Variants in ERCC3 observed in about 807,000 individuals in gnomAD.
ERCC3 encodes the protein ERCC excision repair 3, TFIIH core complex helicase subunit.
In ERCC3, 66 loss-of-function variants were observed where a neutral mutation model predicts 94.2. The ratio of observed to expected loss-of-function variants is 0.70; its 90% CI spans 0.57 to 0.86. The LOEUF (loss-of-function observed/expected upper bound fraction) is 0.86, where lower values mean the gene tolerates loss of function less well. ERCC3 is among the 40% of genes least tolerant of loss of function. ERCC3 has a pLI of 0.00. For missense variants in ERCC3, 829 were observed against 987.1 expected, an observed-to-expected ratio of 0.84 and a Z score of 2.15; for synonymous variants, 349 against 369.1, an observed-to-expected ratio of 0.95 and a Z score of 0.63.
At chr2:127,292,555 G>A in intron 3 of ERCC3, 55 bp downstream of exon 3, 2 of 1,114,034 alleles carry the variant, frequency 1.8e-6, no homozygotes, top group Non-Finnish European at 2.8e-6. Context: ...GAGCACCTAT[G>A]CCTATTGTTA....
Position 127,259,459 on chromosome 2 carries a change from C to CA in ERCC3, c.2065-12dup. The CA allele has an allele frequency of 2.5e-6, 4 of 1,614,092 alleles. No individual in the cohort carries two copies. The highest frequency in any genetic ancestry group is 3.4e-6 in the Non-Finnish European group (4 of 1,180,016). On this transcript the variant is annotated splice_polypyrimidine_tract_variant and intron_variant, in intron 13 of 14. Transcript: ENST00000285398. This position sits in a 1 kb window ranked among gnomAD's most constrained non-coding sequence, Gnocchi z 4.9. ...GAGTTTCGTGATCACCTGCAAAGCC[C>CA]AAGCCAGCAGACATGCCCCTTTCTG...
At chr2:127,276,027 C>T (rs919059332) in intron 10 of ERCC3, among the ~76,000 whole-genome samples, 3 of 152,078 alleles carry the variant, frequency 2.0e-5, no homozygotes, top group East Asian at 1.9e-4. Flanking sequence ...TGGGTCCGGC[C>T]GGCAGCAGGC....
At chr2:127,289,230 AG>A in intron 6 of ERCC3, 106 bp downstream of exon 6, 1 of 985,596 alleles carries the variant, frequency 1.0e-6, no homozygotes, top group South Asian at 1.3e-5. Flanking sequence ...AGGGACCAAC[AG>A]GGACTCCTTC....
In ERCC3 at chr2:127,287,229, C is replaced by T. The variant is rs72845951; in HGVS notation, c.1028-212G>A. On this transcript the variant is annotated intron_variant, in intron 7 of 14. Coordinates refer to ENST00000285398, the MANE Select transcript of ERCC3 (RefSeq NM_000122.2). ...ACATACATATGTGAGAAATGGCAGG[C>T]GCTGGGGCCTACTGTAGCACTTTAC... 6.3e-3 allele frequency among the ~76,000 whole-genome samples: 952 copies of T among 152,260 alleles called. 5 individuals carry two copies. Among genetic ancestry groups the T allele is most frequent in the Non-Finnish European group, 0.01 (688 of 68,032 alleles).
intron 12 of ERCC3, among the ~76,000 whole-genome samples, chr2:127,270,111 C>A (rs1019133623): frequency 6.6e-6 from 1 of 152,116 alleles, no homozygotes; most frequent in African/African-American, 2.4e-5. Context: ...GCTAGCAGAT[C>A]ATAGTCCTGT....
chr2:127,290,319 A>C, intron 3 of ERCC3, 46 bp from the exon 4 acceptor site: 1 of 1,449,738 alleles, frequency 6.9e-7, no homozygotes, highest in Non-Finnish European at 9.7e-7. Context: ...CAGCTAACTC[A>C]GAACACATTC....
rs764070182 is a variant in ERCC3, at chr2:127,280,659, T to C, written c.1343-28A>G. 2 of 1,589,578 alleles carry C rather than the reference T, an allele frequency of 1.3e-6. No individual in the cohort carries two copies. The highest frequency in any genetic ancestry group is 3.3e-5 in the Admixed American group (2 of 59,964). The stretch of plus-strand genomic sequence containing the variant: ...GAGGAAACAATGGGAGCATTCACAC[T>C]GTCACTTTTCTTTCTTATTTTTTAT... On this transcript the variant is annotated intron_variant, in intron 8 of 14. Transcript: ENST00000285398. The surrounding 1 kb of genome is among the most constrained non-coding windows in gnomAD (Gnocchi z 6.3).
At chr2:127,273,490 C>G (rs1368600471) in intron 10 of ERCC3, among the ~76,000 whole-genome samples, 1 of 151,512 alleles carries the variant, frequency 6.6e-6, no homozygotes, top group Non-Finnish European at 1.5e-5. Context: ...TGGTTCACGC[C>G]TGTAATCCCA....
chr2:127,280,717 G>A lies in ERCC3; in HGVS notation c.1343-86C>T, dbSNP rs4150455. ...TTTTAAAATATTTTTTGTAGAGATG[G>A]GGTCTCATTATATTGCCCAGGCTGG... is the stretch of plus-strand genomic sequence containing the variant. On this transcript the variant is annotated intron_variant, in intron 8 of 14. Coordinates refer to ENST00000285398, the MANE Select transcript of ERCC3 (RefSeq NM_000122.2). This position sits in a 1 kb window ranked among gnomAD's most constrained non-coding sequence, Gnocchi z 6.3. 2.4e-6 allele frequency: 3 copies of A among 1,259,954 alleles called. No individual in the cohort carries two copies. The Admixed American group carries it at 6.1e-5, about 26-fold the overall frequency. 78.0% of individuals were successfully genotyped at this position (1,259,954 alleles called of 1,614,324 possible). A position where few individuals can be genotyped will look rare whatever the true frequency, so the allele number is the denominator to read the frequency against.
rs764755476 is a variant in ERCC3 at position 127,292,697 on chromosome 2, G to A, written c.384C>T (p.Ser128=). ...TGATGTCACTGGTTTGCAGCCCAAC[G>A]CTGACAGCTGCATACAAGGAGTAGG... ...LTAYSLYAAV[S]VGLQTSDITE... The change falls in exon 3 of 15, where the codon AGC becomes AGT. Residue 128 remains serine, a synonymous_variant. Transcript: ENST00000285398. The A allele has an allele frequency of 6.5e-5, 105 of 1,614,004 alleles. No homozygotes were observed. The highest frequency in any genetic ancestry group is 2.4e-4 in the East Asian group (11 of 44,898).
chr2:127,259,635 C>A lies in ERCC3; in HGVS notation c.2065-187G>T. ...ATCAGGAGCCGCCTTTAACAGGGAG[C>A]TTGACTAATGATCTCAAGACCAGAG... is the stretch of plus-strand genomic sequence containing the variant. On this transcript the variant is annotated intron_variant, in intron 13 of 14. Transcript: ENST00000285398. The surrounding 1 kb of genome is among the most constrained non-coding windows in gnomAD (Gnocchi z 4.9). 1 of 690,796 alleles carries A rather than the reference C, an allele frequency of 1.4e-6. No homozygotes were observed. The highest frequency in any genetic ancestry group is 2.6e-6 in the Non-Finnish European group (1 of 391,392). The allele number at this position is 690,796 out of a possible 1,614,324, so 42.8% of individuals were successfully genotyped here.
At position 127,292,742 on chromosome 2, in the gene ERCC3, C is replaced by CA; in HGVS notation, c.338dup (p.His114AlafsTer2). On this transcript the variant is annotated frameshift_variant, in exon 3 of 15. Transcript: ENST00000285398. LOFTEE classifies it high-confidence loss of function. ...AGTAGGCAGTTAGTTTGTACTCATG[C>CA]ACATGGGTTGGTCGGCACACTGGCT... 6.2e-7 allele frequency: 1 copy of CA among 1,613,942 alleles called. No individual in the cohort carries two copies. The highest frequency in any genetic ancestry group is 8.5e-7 in the Non-Finnish European group (1 of 1,179,906).
intron 13 of ERCC3, chr2:127,260,104 GAAGT>G (rs1403009458): frequency 1.9e-5 from 3 of 159,036 alleles, no homozygotes; most frequent in Non-Finnish European, 4.2e-5. Flanking sequence ...AAAATTCCTA[GAAGT>G]AAGGATCTGA....
Position 127,290,755 on chromosome 2 carries a change from G to T in ERCC3, c.472-482C>A, listed in dbSNP as rs1017808715. On this transcript the variant is annotated intron_variant, in intron 3 of 14. Coordinates refer to ENST00000285398, the MANE Select transcript of ERCC3 (RefSeq NM_000122.2). ...CAGGTTCCCAACCACCTTTAGGAAG[G>T]AATACAGTAGAGGCTGTGTGGCAAC... The T allele has an allele frequency of 5.8e-5, 14 of 239,636 alleles. No homozygotes were observed. The Admixed American group carries it at 6.7e-4, about 12-fold the overall frequency. The allele number at this position is 239,636 out of a possible 1,614,324, so 14.8% of individuals were successfully genotyped here.
At chr2:127,289,886 G>A (rs541413971) in intron 4 of ERCC3, 62 bp from the exon 5 acceptor site, 1 of 1,565,784 alleles carries the variant, frequency 6.4e-7, no homozygotes, top group Non-Finnish European at 8.8e-7. Context: ...AGATTCCACT[G>A]CTCATTCAAT....
chr2:127,289,391 G>C lies in ERCC3; in HGVS notation c.768C>G (p.Asp256Glu), dbSNP rs1038911769. The stretch of plus-strand genomic sequence containing the variant: ...TCTCTTCTTCTTCTTCTTCATCCTT[G>C]TCCATTTGCTCATAGAAGTCAAACA... ...MDLFDFYEQM[D>E]KDEEEEEETQ... The change falls in exon 6 of 15, where the codon GAC becomes GAG. Residue 256 changes from aspartate to glutamate, a missense_variant. Coordinates refer to ENST00000285398, the MANE Select transcript of ERCC3 (RefSeq NM_000122.2). 2 of 1,613,508 alleles carry C rather than the reference G, an allele frequency of 1.2e-6. No individual in the cohort carries two copies.
chr2:127,271,573 A>G lies in ERCC3; in HGVS notation c.1828-120T>C. Reference sequence around the variant, plus strand: ...ATAATCACTCTTTTCTCCTCTTTATACCAGGGTCTATCTGATGCAGGCAGA... The same window carrying G: ...ATAATCACTCTTTTCTCCTCTTTATGCCAGGGTCTATCTGATGCAGGCAGA... On this transcript the variant is annotated intron_variant, in intron 11 of 14. Coordinates refer to ENST00000285398, the MANE Select transcript of ERCC3 (RefSeq NM_000122.2). The surrounding 1 kb of genome is among the most constrained non-coding windows in gnomAD (Gnocchi z 5.0). The G allele has an allele frequency of 1.3e-6, 1 of 777,970 alleles. No homozygotes were observed. Among genetic ancestry groups the G allele is most frequent in the Non-Finnish European group, 2.2e-6 (1 of 445,470 alleles). The allele number at this position is 777,970 out of a possible 1,614,324, so 48.2% of individuals were successfully genotyped here.
chr2:127,287,590 C>T (rs949112345), intron 7 of ERCC3, among the ~76,000 whole-genome samples: 1 of 151,996 alleles, frequency 6.6e-6, no homozygotes, highest in Non-Finnish European at 1.5e-5. Context: ...GCCAAGATGG[C>T]GCCACTACAC....
At chr2:127,268,805 A>G (rs556519387) in intron 12 of ERCC3, among the ~76,000 whole-genome samples, 1 of 152,346 alleles carries the variant, frequency 6.6e-6, no homozygotes, top group African/African-American at 2.4e-5. Context: ...ACCTTAGCAT[A>G]TGATTTTTAT....
Sources: gnomAD v4.1 joint callset for allele counts (sites outside exome capture counted in the v4.1 genomes callset) on GRCh38, gnomAD v4.1.1 for gene constraint, Gnocchi (gnomAD v3.1) non-coding constraint, MANE v1.5 for transcripts, NCBI Gene and HGNC (gene_info 2026-07-23, HGNC 2026-07-21) for gene names.